CSPP1: variants seen among roughly 807,000 people sequenced by gnomAD.
CSPP1 encodes the protein centrosome and spindle pole associated protein 1, also known as centrosome and spindle pole-associated protein 1.
CSPP1 carries 126 observed loss-of-function variants against 164.4 expected under a neutral mutation model. The ratio of observed to expected loss-of-function variants is 0.77; its 90% confidence interval spans 0.66 to 0.89. The LOEUF (loss-of-function observed/expected upper bound fraction) is 0.89. CSPP1 is among the 40% of genes least tolerant of loss of function. CSPP1 has a pLI of 0.00. For missense variants in CSPP1, 1,395 were observed against 1,449.8 expected, an observed-to-expected ratio of 0.96 and a Z score of 0.61; for synonymous variants, 472 against 476.7, an observed-to-expected ratio of 0.99 and a Z score of 0.13.
chr8:67,159,844 TTCTTTCTTTTTCTTTC>T (rs1563710274), intron 21 of CSPP1, among the ~76,000 whole-genome samples: 8 of 122,804 alleles, frequency 6.5e-5, no homozygotes, highest in South Asian at 2.6e-4. Flanking sequence ...CTTTCTTTCT[TTCTTTCTTTTTCTTTC>T]TTTCTTTCTT....
chr8:67,159,954 CTTCTTTCTTTTCTT>C (rs1378934426), intron 21 of CSPP1, among the ~76,000 whole-genome samples: 1,797 of 31,534 alleles, frequency 0.057, 299 homozygotes, highest in Middle Eastern at 0.12. Context: ...TCCTTCCTTC[CTTCTTTCTTTTCTT>C]TTCTTTTCTT....
At chr8:67,189,881 G>A (rs1435411346) in intron 28 of CSPP1, among the ~76,000 whole-genome samples, 2 of 152,084 alleles carry the variant, frequency 1.3e-5, no homozygotes, top group Admixed American at 6.5e-5. Flanking sequence ...TACCGTAGAT[G>A]TTGTAGGCTA....
intron 7 of CSPP1, among the ~76,000 whole-genome samples, chr8:67,102,730 T>A (rs558969399): frequency 6.6e-6 from 1 of 152,360 alleles, no homozygotes; most frequent in East Asian, 1.9e-4. Context: ...GGTGTTCAGT[T>A]ATTCACTTTT....
At chr8:67,134,926 T>G (rs1821953474) in intron 16 of CSPP1, 1 of 152,198 alleles carries the variant, frequency 6.6e-6, no homozygotes, top group Non-Finnish European at 1.5e-5. Flanking sequence ...TGGCTTCAAC[T>G]TAAAGTCACC....
At chr8:67,086,810 C>A in intron 4 of CSPP1, 1 of 1,351,746 alleles carries the variant, frequency 7.4e-7, no homozygotes, top group Non-Finnish European at 9.9e-7. Context: ...TGGTTTGTTT[C>A]CCTTGACTTT....
At chr8:67,190,517 G>C in intron 28 of CSPP1, 133 bp from the exon 29 acceptor site, 2 of 667,690 alleles carry the variant, frequency 3.0e-6, no homozygotes, top group Non-Finnish European at 5.4e-6. Flanking sequence ...TCACCGAACT[G>C]TGTATGTACA....
Position 67,118,721 on chromosome 8 carries a change from GTT to G in CSPP1, c.1619-16_1619-15del, listed in dbSNP as rs745686975. The G allele has an allele frequency of 6.5e-7, 1 of 1,536,754 alleles. No homozygotes were observed. The highest frequency in any genetic ancestry group is 8.9e-7 in the Non-Finnish European group (1 of 1,128,734). On this transcript the variant is annotated intron_variant, in intron 14 of 30. Transcript: ENST00000678616. The stretch of plus-strand genomic sequence containing the variant: ...TGATTATTCTAAATAAACTTTTTTT[GTT>G]TTTTTGTTTTTTCTTTAAGATGGTT...
At chr8:67,117,937 G>A (rs1452819675) in intron 13 of CSPP1, among the ~76,000 whole-genome samples, 1 of 152,040 alleles carries the variant, frequency 6.6e-6, no homozygotes, top group East Asian at 1.9e-4. Context: ...TTATTTTCAT[G>A]TTACTCCTGA....
intron 14 of CSPP1, 56 bp downstream of exon 14, chr8:67,118,425 G>A: frequency 1.9e-6 from 3 of 1,576,268 alleles, no homozygotes; most frequent in Non-Finnish European, 2.6e-6. Flanking sequence ...AAGGAAAATT[G>A]TTTTTTTGTG....
chr8:67,154,169 A>G (rs2129559090), intron 19 of CSPP1, 33 bp downstream of exon 19: 1 of 1,046,946 alleles, frequency 9.6e-7, no homozygotes, highest in Non-Finnish European at 1.5e-6. Flanking sequence ...TCAAAGTTTC[A>G]TGAGATTTTA....
At chr8:67,116,188 G>A in intron 13 of CSPP1, 66 bp downstream of exon 13, 1 of 1,121,140 alleles carries the variant, frequency 8.9e-7, no homozygotes, top group Non-Finnish European at 1.4e-6. Flanking sequence ...TGTTTAGAAG[G>A]ATATACTGAA....
At chr8:67,154,523 C>T (rs565579732) in intron 19 of CSPP1, among the ~76,000 whole-genome samples, 7 of 152,114 alleles carry the variant, frequency 4.6e-5, no homozygotes, top group Admixed American at 2.6e-4. Flanking sequence ...CCTGCCACCA[C>T]GCCCGGCTAA....
At chr8:67,085,623 A>G (rs755953422) in intron 3 of CSPP1, among the ~76,000 whole-genome samples, 4 of 152,114 alleles carry the variant, frequency 2.6e-5, no homozygotes, top group Non-Finnish European at 4.4e-5. Context: ...CAAGATGCCA[A>G]ACAATGCTGG....
At chr8:67,098,296 T>C (rs1371167665) in intron 7 of CSPP1, among the ~76,000 whole-genome samples, 1 of 151,240 alleles carries the variant, frequency 6.6e-6, no homozygotes, top group African/African-American at 2.4e-5. Context: ...TTTGGTCTTT[T>C]TTTTTTTTTT....
At chr8:67,083,549 ATATATAT>A (rs1383919217) in intron 3 of CSPP1, 3 of 69,116 alleles carry the variant, frequency 4.3e-5, no homozygotes, top group African/African-American at 1.0e-4. Flanking sequence ...AAAAAAAAAA[ATATATAT>A]ATATATATAT....
intron 7 of CSPP1, among the ~76,000 whole-genome samples, chr8:67,098,292 C>CTT (rs201067321): frequency 1.5e-5 from 2 of 134,204 alleles, no homozygotes; most frequent in Middle Eastern, 4.0e-3. Flanking sequence ...TTTCTTTGGT[C>CTT]TTTTTTTTTT....
intron 7 of CSPP1, 101 bp from the exon 8 acceptor site, chr8:67,102,936 G>T: frequency 1.7e-6 from 1 of 604,824 alleles, no homozygotes; most frequent in Non-Finnish European, 2.9e-6. Context: ...ATAACACTTT[G>T]TTCCTTTTAA....
chr8:67,116,549 T>C (rs1239496294), intron 13 of CSPP1, among the ~76,000 whole-genome samples: 1 of 152,208 alleles, frequency 6.6e-6, no homozygotes, highest in African/African-American at 2.4e-5. Context: ...CTTCTGTTTC[T>C]TCAGCTCATT....
intron 3 of CSPP1, among the ~76,000 whole-genome samples, chr8:67,078,169 T>G (rs1808351784): frequency 6.6e-6 from 1 of 152,184 alleles, no homozygotes; most frequent in Non-Finnish European, 1.5e-5. Context: ...AATTCTAGGG[T>G]TACAGCTTGC....
Sources: gnomAD v4.1 joint callset for allele counts (sites outside exome capture counted in the v4.1 genomes callset) on GRCh38, gnomAD v4.1.1 for gene constraint, MANE v1.5 for transcripts, NCBI Gene and HGNC (gene_info 2026-07-23, HGNC 2026-07-21) for gene names.